CDON: variants seen among roughly 807,000 people sequenced by gnomAD.
CDON encodes cell adhesion associated, oncogene regulated.
A neutral mutation model predicts 120.9 loss-of-function variants in CDON; 73 were observed. That is an observed-to-expected ratio of 0.60 (90% CI 0.50 to 0.73). The LOEUF (loss-of-function observed/expected upper bound fraction) is 0.73. CDON is among the 30% of genes least tolerant of loss of function. The pLI is 0.00. For missense variants in CDON, 1,470 were observed against 1,587.3 expected (o/e 0.93, Z 1.26); for synonymous variants, 566 against 573.5 (o/e 0.99, Z 0.19).
intron 16 of CDON, among the ~76,000 whole-genome samples, chr11:125,982,562 GA>G (rs1946344432): frequency 6.6e-6 from 1 of 152,178 alleles, no homozygotes; most frequent in South Asian, 2.1e-4. Context: ...TACACACTTT[GA>G]GAGGGCAGAG....
intron 18 of CDON, among the ~76,000 whole-genome samples, chr11:125,972,850 GA>G (rs1946040667): frequency 6.6e-6 from 1 of 151,800 alleles, no homozygotes; most frequent in South Asian, 2.1e-4. Context: ...TAAAGAAGGC[GA>G]ATTGCAGAGG....
intron 1 of CDON, among the ~76,000 whole-genome samples, chr11:126,044,082 G>A (rs935555312): frequency 6.6e-6 from 1 of 152,174 alleles, no homozygotes; most frequent in African/African-American, 2.4e-5. Context: ...AGAAACGTGG[G>A]AGATTTATCT....
In CDON at chr11:126,013,039, CT is replaced by C. The variant is rs573487841; in HGVS notation, c.1198+2201del. 1.6e-3 allele frequency among the ~76,000 whole-genome samples: 251 copies of C among 152,168 alleles called. 1 individual carries two copies. Among genetic ancestry groups the C allele is most frequent in the Non-Finnish European group, 3.0e-3 (205 of 68,022 alleles). On this transcript the variant is annotated intron_variant, in intron 7 of 19. Coordinates refer to ENST00000531738, the MANE Select transcript of CDON (RefSeq NM_001378964.1). ...CACTCCTTATTAAGAAAGTTCAACT[CT>C]ATTTCTACTTTTCTAAGTGTCTAAC... is the stretch of plus-strand genomic sequence containing the variant.
At chr11:126,055,578 G>A (rs1213767867) in intron 1 of CDON, among the ~76,000 whole-genome samples, 1 of 152,146 alleles carries the variant, frequency 6.6e-6, no homozygotes, top group Non-Finnish European at 1.5e-5. Context: ...ACACGTCTCT[G>A]ATACCGGCCT....
chr11:125,995,864 C>T (rs1409356375), intron 12 of CDON, among the ~76,000 whole-genome samples: 1 of 152,170 alleles, frequency 6.6e-6, no homozygotes, highest in Non-Finnish European at 1.5e-5. Context: ...TTGCTACTAA[C>T]GTACATTTAA....
intron 1 of CDON, among the ~76,000 whole-genome samples, chr11:126,035,363 C>T (rs472926): frequency 0.88 from 133,433 of 152,232 alleles, 58,708 homozygotes; most frequent in African/African-American, 0.97. Flanking sequence ...CGTCAAGTTA[C>T]GAGTTTCCTA....
chr11:125,987,853 GAT>G (rs1448333554), intron 15 of CDON, among the ~76,000 whole-genome samples: 1 of 152,136 alleles, frequency 6.6e-6, no homozygotes, highest in Non-Finnish European at 1.5e-5. Flanking sequence ...AAGGTATATG[GAT>G]ATATGTTTAA....
rs368731539 is a variant in CDON, at chr11:125,966,124, C to T, written c.3357-4126G>A. Among the ~76,000 whole-genome samples, 380 of 140,576 alleles carry T rather than the reference C, an allele frequency of 2.7e-3. 1 individual carries two copies. The highest frequency in any genetic ancestry group is 9.5e-3 in the African/African-American group (357 of 37,664). The allele number at this position is 140,576 out of a possible 152,430, so 92.2% of individuals were successfully genotyped here. A position where few individuals can be genotyped will look rare whatever the true frequency, so the allele number is the denominator to read the frequency against. ...TGCACGCCAGCCTGGGCAAGAAGCG[C>T]GAAATTCCATCTCAAAAAAAAAAAA... On this transcript the variant is annotated intron_variant, in intron 18 of 19. Coordinates refer to ENST00000531738, the MANE Select transcript of CDON (RefSeq NM_001378964.1).
chr11:126,036,472 T>C (rs950527356), intron 1 of CDON, among the ~76,000 whole-genome samples: 3 of 152,218 alleles, frequency 2.0e-5, no homozygotes, highest in East Asian at 1.9e-4. Flanking sequence ...ACAATTCTCA[T>C]GTATAAGTCT....
chr11:126,008,648 T>C (rs949158579), intron 8 of CDON, among the ~76,000 whole-genome samples: 9 of 152,192 alleles, frequency 5.9e-5, no homozygotes, highest in African/African-American at 1.9e-4. Flanking sequence ...TGTATTCACA[T>C]AATCGCTTCA....
intron 1 of CDON, among the ~76,000 whole-genome samples, chr11:126,042,878 C>G (rs1206718389): frequency 6.6e-6 from 1 of 152,316 alleles, no homozygotes; most frequent in East Asian, 1.9e-4. Flanking sequence ...CTGCCTCGGC[C>G]TCCCAAAGTG....
rs1029014848 is a variant in CDON at position 125,971,277 on chromosome 11, G to A, written c.3356+7027C>T. ...GGGCACTTGTAGTCCCAGCAACTCAGGAGGCTGAGGCAGGAGAATGGCGTG... is the reference window on the plus strand; with the variant it reads ...GGGCACTTGTAGTCCCAGCAACTCAAGAGGCTGAGGCAGGAGAATGGCGTG... On this transcript the variant is annotated intron_variant, in intron 18 of 19. Coordinates refer to ENST00000531738, the MANE Select transcript of CDON (RefSeq NM_001378964.1). 2.2e-4 allele frequency among the ~76,000 whole-genome samples: 34 copies of A among 152,004 alleles called. 1 individual carries two copies. The highest frequency in any genetic ancestry group is 8.2e-4 in the African/African-American group (34 of 41,368).
In CDON at chr11:125,978,382, C is replaced by A. The variant is rs761960156; in HGVS notation, c.3278G>T (p.Gly1093Val). 4 of 1,597,578 alleles carry A rather than the reference C, an allele frequency of 2.5e-6. No individual in the cohort carries two copies. The East Asian group carries it at 6.7e-5, about 27-fold the overall frequency. Residue 1093 changes from glycine (G) to valine (V), a missense_variant and splice_region_variant, in exon 18 of 20, where the codon GGT (glycine) becomes GTT (valine). Physicochemically the swap from Gly to Val is moderately radical, Grantham distance 109. Coordinates refer to ENST00000531738, the MANE Select transcript of CDON (RefSeq NM_001378964.1). The part of the protein sequence containing the change: ...DFEHPHHLVN[G>V]GGMYTAVPQI... ...AGGCACGGCCGTGTACATTCCACCA[C>A]CCTGGACAGGAAGGAGTGTCAGAGA...
At chr11:126,046,119 C>T (rs1456733403) in intron 1 of CDON, among the ~76,000 whole-genome samples, 1 of 152,190 alleles carries the variant, frequency 6.6e-6, no homozygotes, top group African/African-American at 2.4e-5. Flanking sequence ...TCCTTGATCA[C>T]ACATCTTCAC....
intron 11 of CDON, among the ~76,000 whole-genome samples, chr11:125,998,677 T>C (rs1228202853): frequency 6.6e-6 from 1 of 152,208 alleles, no homozygotes; most frequent in East Asian, 1.9e-4. Context: ...TCCCACTTGG[T>C]TCCTACAAGG....
chr11:126,010,477 A>T lies in CDON; in HGVS notation c.1416T>A (p.Pro472=), dbSNP rs1164342459. ...CAGCTTGGGACAGGACGAAGTACAC[A>T]GGCTCCAGGTTCAAGCCCTCAGGTC... ...LSRPEGLNLE[P]VYFVLSQAGA... is the part of the protein sequence containing the mutation. Residue 472 remains proline, a synonymous_variant, in exon 8 of 20, where the codon CCT becomes CCA. Coordinates refer to ENST00000531738, the MANE Select transcript of CDON (RefSeq NM_001378964.1). 1 of 1,613,988 alleles carries T rather than the reference A, an allele frequency of 6.2e-7. No individual in the cohort carries two copies. The highest frequency in any genetic ancestry group is 2.2e-5 in the East Asian group (1 of 44,886).
At chr11:126,053,514 G>C (rs1408689468) in intron 1 of CDON, among the ~76,000 whole-genome samples, 3 of 152,068 alleles carry the variant, frequency 2.0e-5, no homozygotes, top group Admixed American at 2.0e-4. Flanking sequence ...CGCTCTGATC[G>C]GTCATCTGAT....
intron 12 of CDON, among the ~76,000 whole-genome samples, chr11:125,996,133 C>A: frequency 6.7e-6 from 1 of 148,440 alleles, no homozygotes; most frequent in African/African-American, 2.5e-5. Context: ...AAATAACAAG[C>A]AATTTTCCTC....
In CDON at chr11:126,018,397, A is replaced by G. The variant is rs1388490954; in HGVS notation, c.573T>C (p.Cys191=). ...GATGTGTGACAGGATTATAAGCTGCACATTTGTATGATCCCTTGTCCTCTA... is the reference window on the plus strand; with the variant it reads ...GATGTGTGACAGGATTATAAGCTGCGCATTTGTATGATCCCTTGTCCTCTA... ...VSLEDKGSYK[C]AAYNPVTHQL... The change falls in exon 5 of 20, where the codon TGT becomes TGC. Residue 191 remains cysteine (C), a synonymous_variant. Coordinates refer to ENST00000531738, the MANE Select transcript of CDON (RefSeq NM_001378964.1). 2.5e-6 allele frequency: 4 copies of G among 1,613,772 alleles called. No homozygotes were observed. Among genetic ancestry groups the G allele is most frequent in the Non-Finnish European group, 3.4e-6 (4 of 1,179,672 alleles).
Sources: allele counts gnomAD v4.1 joint callset (sites outside exome capture counted in the v4.1 genomes callset), GRCh38; gene constraint gnomAD v4.1.1; transcripts MANE v1.5; gene names NCBI Gene and HGNC (gene_info 2026-07-23, HGNC 2026-07-21).